Variants in SCAPER observed in about 807,000 individuals in gnomAD.
SCAPER encodes S-phase cyclin A associated protein in the ER, also known as S phase cyclin A-associated protein in the endoplasmic reticulum.
Under a neutral mutation model 182.2 loss-of-function variants are expected in SCAPER, and 98 were observed. The ratio of observed to expected loss-of-function variants is 0.54; its 90% confidence interval spans 0.46 to 0.64. The LOEUF (loss-of-function observed/expected upper bound fraction) is 0.64. Ranked by LOEUF, SCAPER falls within the 30% of genes least tolerant of loss-of-function variation. The pLI, the probability that SCAPER is intolerant of heterozygous loss-of-function variation, is 0.00. For synonymous variants in SCAPER, 605 were observed against 564.6 expected (o/e 1.07, Z -1.01); for missense variants, 1,432 against 1,690.0 (o/e 0.85, Z 2.68).
intron 15 of SCAPER, among the ~76,000 whole-genome samples, chr15:76,751,768 A>G (rs2062098406): frequency 6.6e-6 from 1 of 151,774 alleles, no homozygotes; most frequent in South Asian, 2.1e-4. Flanking sequence ...CTAAAGCTAT[A>G]AAACTCTTAG....
intron 1 of SCAPER, among the ~76,000 whole-genome samples, chr15:76,887,131 A>C (rs956115646): frequency 6.6e-6 from 1 of 152,164 alleles, no homozygotes; most frequent in African/African-American, 2.4e-5. Context: ...ACAAACCTGC[A>C]CTTGTACCCC....
chr15:76,499,433 T>A (rs1369292426), intron 24 of SCAPER, among the ~76,000 whole-genome samples: 1 of 152,200 alleles, frequency 6.6e-6, no homozygotes, highest in Non-Finnish European at 1.5e-5. Flanking sequence ...AAAAATGAGA[T>A]CAAATTGTAA....
At chr15:76,905,069 CCCGAGGCCT>C (rs1233668702) in intron 1 of SCAPER, 3 of 152,900 alleles carry the variant, frequency 2.0e-5, no homozygotes, top group Non-Finnish European at 2.9e-5. Context: ...CAGCCCCCGT[CCCGAGGCCT>C]CCGAGGCCGA....
At chr15:76,376,130 A>C (rs1224719539) in intron 29 of SCAPER, 32 bp downstream of exon 29, 1 of 1,609,902 alleles carries the variant, frequency 6.2e-7, no homozygotes, top group Non-Finnish European at 8.5e-7. Context: ...GCACTGGGGG[A>C]GCAGTCTAAG....
chr15:76,748,950 T>C (rs904005156), intron 15 of SCAPER, among the ~76,000 whole-genome samples: 51 of 151,912 alleles, frequency 3.4e-4, no homozygotes, highest in Non-Finnish European at 4.3e-4. Flanking sequence ...AAACAATAAA[T>C]TGTATCAATT....
chr15:76,411,982 G>A (rs1443438653), intron 26 of SCAPER, among the ~76,000 whole-genome samples: 1 of 151,962 alleles, frequency 6.6e-6, no homozygotes, highest in Admixed American at 6.6e-5. Flanking sequence ...TTCCATGACC[G>A]CAAAGATATA....
At chr15:76,516,914 G>C (rs576387285) in intron 23 of SCAPER, among the ~76,000 whole-genome samples, 1 of 152,078 alleles carries the variant, frequency 6.6e-6, no homozygotes, top group South Asian at 2.1e-4. Flanking sequence ...ACAGGCCCTG[G>C]GCTATCTTCA....
intron 8 of SCAPER, among the ~76,000 whole-genome samples, chr15:76,790,993 A>G (rs2064969530): frequency 6.6e-6 from 1 of 152,154 alleles, no homozygotes; most frequent in African/African-American, 2.4e-5. Context: ...TTAAATGTTC[A>G]TTTTTATTCA....
intron 23 of SCAPER, among the ~76,000 whole-genome samples, chr15:76,525,030 C>T (rs2043101142): frequency 6.6e-6 from 1 of 151,962 alleles, no homozygotes; most frequent in African/African-American, 2.4e-5. Flanking sequence ...GTCTGGGTGC[C>T]TATTTTAATT....
At position 76,872,980 on chromosome 15, in the gene SCAPER, T is replaced by C. The variant is rs552628079; in HGVS notation, c.7-10447A>G. On this transcript the variant is annotated intron_variant, in intron 2 of 31. Transcript: ENST00000563290. ...TTAAGAAATGTTGGGCCGGGCACAG[T>C]AGTTCACACCTGTAATCCCAACACT... Among the ~76,000 whole-genome samples the C allele has an allele frequency of 5.9e-5, 9 of 151,372 alleles. No individual in the cohort carries two copies. The South Asian group carries it at 1.9e-3, about 32-fold the overall frequency.
chr15:76,825,090 A>T (rs893718439), intron 5 of SCAPER, among the ~76,000 whole-genome samples: 1 of 152,188 alleles, frequency 6.6e-6, no homozygotes, highest in African/African-American at 2.4e-5. Context: ...AATCCCTCAT[A>T]GATGCCTGCA....
intron 25 of SCAPER, among the ~76,000 whole-genome samples, chr15:76,445,774 G>A (rs761922231): frequency 1.6e-4 from 25 of 152,106 alleles, no homozygotes; most frequent in Non-Finnish European, 3.4e-4. Flanking sequence ...CTCAGTAGGG[G>A]TAAAAAATCA....
intron 25 of SCAPER, among the ~76,000 whole-genome samples, chr15:76,449,413 A>C (rs1157168710): frequency 1.3e-5 from 2 of 152,186 alleles, no homozygotes; most frequent in Non-Finnish European, 2.9e-5. Context: ...TGGGGAAGCA[A>C]TTCAGCTTAA....
At chr15:76,732,204 T>C (rs973770109) in intron 16 of SCAPER, among the ~76,000 whole-genome samples, 3 of 152,076 alleles carry the variant, frequency 2.0e-5, no homozygotes, top group Admixed American at 2.0e-4. Context: ...ATCTAAAATA[T>C]GTGTGGGCGG....
chr15:76,416,595 T>C (rs987451096), intron 26 of SCAPER, among the ~76,000 whole-genome samples: 4 of 152,154 alleles, frequency 2.6e-5, no homozygotes, highest in Non-Finnish European at 2.9e-5. Context: ...GACATACTCA[T>C]GGGTACTCTT....
At chr15:76,437,606 C>T (rs974336626) in intron 25 of SCAPER, among the ~76,000 whole-genome samples, 3 of 152,140 alleles carry the variant, frequency 2.0e-5, no homozygotes, top group African/African-American at 7.2e-5. Context: ...CTTCATTCAT[C>T]ACAAATTTTC....
intron 29 of SCAPER, among the ~76,000 whole-genome samples, chr15:76,368,996 A>C (rs1440634404): frequency 2.0e-5 from 3 of 152,220 alleles, no homozygotes; most frequent in African/African-American, 7.2e-5. Flanking sequence ...TTTGATTAAA[A>C]CAACATTTTA....
Position 76,593,998 on chromosome 15 carries a change from C to G in SCAPER, c.2712-19714G>C, listed in dbSNP as rs2049318361. 1.7e-5 allele frequency among the ~76,000 whole-genome samples: 2 copies of G among 120,214 alleles called. 1 individual carries two copies. The highest frequency in any genetic ancestry group is 4.0e-5 in the Non-Finnish European group (2 of 49,724). 78.9% of individuals were successfully genotyped at this position (120,214 alleles called of 152,430 possible). ...AGTTTGACAAATTAACAGAAGTAGGCTTCAGAAGGTGGGTAATAACAAACT... is the reference window on the plus strand; with the variant it reads ...AGTTTGACAAATTAACAGAAGTAGGGTTCAGAAGGTGGGTAATAACAAACT... On this transcript the variant is annotated intron_variant, in intron 22 of 31. Coordinates refer to ENST00000563290, the MANE Select transcript of SCAPER (RefSeq NM_020843.4).
At chr15:76,474,430 G>A (rs1218432626) in intron 24 of SCAPER, among the ~76,000 whole-genome samples, 1 of 152,012 alleles carries the variant, frequency 6.6e-6, no homozygotes, top group Non-Finnish European at 1.5e-5. Context: ...TAACTGATAG[G>A]TTCCTGAAAA....
Sources: gnomAD v4.1 joint callset for allele counts (sites outside exome capture counted in the v4.1 genomes callset) on GRCh38, gnomAD v4.1.1 for gene constraint, MANE v1.5 for transcripts, NCBI Gene and HGNC (gene_info 2026-07-23, HGNC 2026-07-21) for gene names.